Variants in TMEM132C observed in about 807,000 individuals in gnomAD.
TMEM132C encodes transmembrane protein 132C, also known as protein phosphatase 1, regulatory subunit 152.
A neutral mutation model predicts 61.4 loss-of-function variants in TMEM132C; 29 were observed. That is an observed-to-expected ratio of 0.47 (90% CI 0.35 to 0.64). The LOEUF (loss-of-function observed/expected upper bound fraction) is 0.64. TMEM132C is among the 30% of genes least tolerant of loss of function. TMEM132C has a pLI of 0.00. For synonymous variants in TMEM132C, 656 were observed against 633.1 expected (o/e 1.04, Z -0.54); for missense variants, 1,408 against 1,476.9 (o/e 0.95, Z 0.76).
At chr12:128,321,866 C>A (rs1237809072) in intron 1 of TMEM132C, among the ~76,000 whole-genome samples, 1 of 152,178 alleles carries the variant, frequency 6.6e-6, no homozygotes, top group African/African-American at 2.4e-5. Flanking sequence ...ACCTCTTTGG[C>A]CTATTGCCTA....
rs1565990430 is a variant in TMEM132C at position 128,609,290 on chromosome 12, G to GCCTCCCTGCAACACTGTTA, written c.1122-6860_1122-6859insTCCCTGCAACACTGTTACC. On this transcript the variant is annotated intron_variant, in intron 3 of 8. Coordinates refer to ENST00000435159, the MANE Select transcript of TMEM132C (RefSeq NM_001136103.3). ...ACCCCCACCTCCCTGCAACACTGTA[G>GCCTCCCTGCAACACTGTTA]CCCCCGCCTCCCTGCAACCCTGCTA... 3.4e-5 allele frequency among the ~76,000 whole-genome samples: 2 copies of GCCTCCCTGCAACACTGTTA among 58,064 alleles called. 1 individual carries two copies. Among genetic ancestry groups the GCCTCCCTGCAACACTGTTA allele is most frequent in the African/African-American group, 1.7e-4 (2 of 11,442 alleles). The allele number at this position is 58,064 out of a possible 152,430, so 38.1% of individuals were successfully genotyped here.
At chr12:128,492,096 C>T (rs1047866170) in intron 2 of TMEM132C, among the ~76,000 whole-genome samples, 4 of 152,140 alleles carry the variant, frequency 2.6e-5, no homozygotes, top group East Asian at 1.9e-4. Flanking sequence ...TGAGAACATG[C>T]GGTGTTTGGT....
chr12:128,276,257 T>C (rs932562923), intron 1 of TMEM132C, among the ~76,000 whole-genome samples: 5 of 152,146 alleles, frequency 3.3e-5, no homozygotes, highest in African/African-American at 1.2e-4. Context: ...ATTAAAGCCA[T>C]GGAGAAGAAG....
chr12:128,689,751 G>A (rs761366302), intron 5 of TMEM132C, among the ~76,000 whole-genome samples: 3 of 152,148 alleles, frequency 2.0e-5, no homozygotes, highest in African/African-American at 7.2e-5. Context: ...GGATGTAGAG[G>A]GTGCAAGGAG....
At chr12:128,395,408 T>C (rs1874914526) in intron 1 of TMEM132C, among the ~76,000 whole-genome samples, 1 of 152,154 alleles carries the variant, frequency 6.6e-6, no homozygotes, top group Non-Finnish European at 1.5e-5. Flanking sequence ...AATACTAAAT[T>C]TGTTGGAGGT....
intron 4 of TMEM132C, among the ~76,000 whole-genome samples, chr12:128,640,728 A>C (rs1366357027): frequency 6.6e-6 from 1 of 152,174 alleles, no homozygotes; most frequent in African/African-American, 2.4e-5. Flanking sequence ...CTCTACAAAA[A>C]ATTTAAAAAT....
chr12:128,515,398 C>T (rs1012152685), intron 2 of TMEM132C, among the ~76,000 whole-genome samples: 2 of 152,174 alleles, frequency 1.3e-5, no homozygotes, highest in Non-Finnish European at 2.9e-5. Flanking sequence ...TGAGGATGGC[C>T]AAATACAAGA....
At chr12:128,563,077 G>T (rs1011072222) in intron 3 of TMEM132C, among the ~76,000 whole-genome samples, 1 of 152,242 alleles carries the variant, frequency 6.6e-6, no homozygotes, top group African/African-American at 2.4e-5. Flanking sequence ...CATGTCCCAT[G>T]ACAGAACAGA....
At chr12:128,335,441 A>G (rs897032633) in intron 1 of TMEM132C, among the ~76,000 whole-genome samples, 3 of 152,216 alleles carry the variant, frequency 2.0e-5, no homozygotes, top group African/African-American at 7.2e-5. Context: ...AATTTTTCAG[A>G]AAGATTAACC....
At chr12:128,597,337 G>A (rs1876006366) in intron 3 of TMEM132C, among the ~76,000 whole-genome samples, 1 of 152,176 alleles carries the variant, frequency 6.6e-6, no homozygotes, top group Non-Finnish European at 1.5e-5. Context: ...AATTAACCGG[G>A]TATGGTGGCA....
chr12:128,298,204 C>G (rs575905748), intron 1 of TMEM132C, among the ~76,000 whole-genome samples: 2 of 152,150 alleles, frequency 1.3e-5, no homozygotes, highest in African/African-American at 4.8e-5. Flanking sequence ...GACCCCAGTG[C>G]GGCTCCCATT....
In TMEM132C at chr12:128,695,838, G is replaced by A. The variant is rs201192612; in HGVS notation, c.1664G>A (p.Arg555His). The change falls in exon 7 of 9, where the codon CGT (arginine) becomes CAT (histidine). Residue 555 changes from arginine (R) to histidine (H), a missense_variant. Arg to His is a conservative substitution (Grantham distance 29). Coordinates refer to ENST00000435159, the MANE Select transcript of TMEM132C (RefSeq NM_001136103.3). ...TTGTCCCTTCCCACAAGGCCCACTC[G>A]TGAGAGCGAGGATGAGGACGAGGAG... Reference protein sequence around the residue: ...VPIVTNKRPTRESEDEDEEER... With the variant: ...VPIVTNKRPTHESEDEDEEER... 101 of 1,544,536 alleles carry A rather than the reference G, an allele frequency of 6.5e-5. No homozygotes were observed. In the East Asian group the frequency reaches 1.4e-3, roughly 22 times the overall value.
intron 2 of TMEM132C, among the ~76,000 whole-genome samples, chr12:128,469,330 C>CTT (rs11463008): frequency 0.072 from 9,762 of 135,348 alleles, 544 homozygotes; most frequent in East Asian, 0.21. Flanking sequence ...ATAAAGCATG[C>CTT]TTTTTTTTTT....
intron 1 of TMEM132C, among the ~76,000 whole-genome samples, chr12:128,285,188 GAAC>G (rs1465417505): frequency 6.6e-6 from 1 of 152,114 alleles, no homozygotes; most frequent in Middle Eastern, 3.2e-3. Context: ...TGACTATGAT[GAAC>G]AACAATTTAT....
chr12:128,664,669 C>T (rs1254080494), intron 4 of TMEM132C, among the ~76,000 whole-genome samples: 2 of 152,192 alleles, frequency 1.3e-5, no homozygotes, highest in African/African-American at 4.8e-5. Context: ...CTAAACTCAT[C>T]AGAGCCGGAT....
chr12:128,365,298 A>G (rs948231144), intron 1 of TMEM132C, among the ~76,000 whole-genome samples: 1 of 152,206 alleles, frequency 6.6e-6, no homozygotes, highest in Non-Finnish European at 1.5e-5. Context: ...AATGAAACAC[A>G]TAGGAATGCT....
chr12:128,273,364 A>T (rs11059617), intron 1 of TMEM132C, among the ~76,000 whole-genome samples: 44,338 of 151,836 alleles, frequency 0.29, 7,255 homozygotes, highest in Middle Eastern at 0.4. Context: ...TAGCCACCTC[A>T]GCTTTCTTTT....
Position 128,616,187 on chromosome 12 carries a change from A to G in TMEM132C, c.1157A>G (p.Asn386Ser). The G allele has an allele frequency of 4.5e-6, 7 of 1,551,726 alleles. No individual in the cohort carries two copies. Among genetic ancestry groups the G allele is most frequent in the Non-Finnish European group, 6.1e-6 (7 of 1,146,980 alleles). The change falls in exon 4 of 9, where the codon AAC (asparagine) becomes AGC (serine). Residue 386 changes from asparagine to serine, a missense_variant. By Grantham distance (46) the Asn-to-Ser change is conservative. Transcript: ENST00000435159. ...SSLFNEVVQM[N>S]FEIASFSSLS... is the part of the protein sequence containing the mutation. ...TTATTCAATGAGGTTGTGCAGATGA[A>G]CTTTGAAATAGCCAGTTTCAGCAGC...
intron 2 of TMEM132C, among the ~76,000 whole-genome samples, chr12:128,476,734 C>A (rs999573299): frequency 6.6e-6 from 1 of 152,218 alleles, no homozygotes; most frequent in Non-Finnish European, 1.5e-5. Flanking sequence ...ACTTGGGCCT[C>A]ACCCCCTGGC....
Sources: allele counts gnomAD v4.1 joint callset (sites outside exome capture counted in the v4.1 genomes callset), GRCh38; gene constraint gnomAD v4.1.1; transcripts MANE v1.5; gene names NCBI Gene and HGNC (gene_info 2026-07-23, HGNC 2026-07-21).